The following ERI1 variants were observed in gnomAD, a reference collection of about 807,000 sequenced individuals.
ERI1 encodes the protein 3'-5' exoribonuclease 1.
A neutral mutation model predicts 39.7 loss-of-function variants in ERI1; 39 were observed. That is an observed-to-expected ratio of 0.98 (90% CI 0.76 to 1.28). The LOEUF (loss-of-function observed/expected upper bound fraction) is 1.28. Ranked by LOEUF, ERI1 falls within the 50% of genes most tolerant of loss-of-function variation. ERI1 has a pLI of 0.00. For synonymous variants in ERI1, 204 were observed against 149.6 expected (o/e 1.36, Z -2.65); for missense variants, 581 against 416.9 (o/e 1.39, Z -3.43).
intron 3 of ERI1, among the ~76,000 whole-genome samples, chr8:9,067,413 TG>T (rs1798914583): frequency 1.3e-5 from 2 of 149,930 alleles, no homozygotes; most frequent in African/African-American, 5.0e-5. Context: ...TGTGTGTGTG[TG>T]TGTGTGCAAT....
At chr8:9,016,802 C>G (rs922720619) in intron 4 of ERI1, among the ~76,000 whole-genome samples, 1 of 152,158 alleles carries the variant, frequency 6.6e-6, no homozygotes, top group Admixed American at 6.5e-5. Context: ...TCTCCTGCCT[C>G]AACCTCCTGA....
downstream of ERI1, among the ~76,000 whole-genome samples, chr8:9,037,044 T>C (rs1797870720): frequency 6.6e-6 from 1 of 152,188 alleles, no homozygotes; most frequent in Non-Finnish European, 1.5e-5. Context: ...AGACTATTGC[T>C]AAAATTTAAC....
intron 3 of ERI1, among the ~76,000 whole-genome samples, chr8:9,065,852 G>T (rs762570686): frequency 2.0e-5 from 3 of 152,100 alleles, no homozygotes; most frequent in Non-Finnish European, 4.4e-5. Flanking sequence ...CTCTCCTGTT[G>T]CAAACTCATG....
chr8:9,009,171 T>A (rs1444322620), intron 2 of ERI1: 1 of 441,096 alleles, frequency 2.3e-6, no homozygotes, highest in African/African-American at 2.0e-5. Flanking sequence ...CAAGCCTGTA[T>A]TGAATTCTAA....
chr8:9,004,719 T>A (rs1269863647), intron 1 of ERI1, among the ~76,000 whole-genome samples: 1 of 149,516 alleles, frequency 6.7e-6, no homozygotes, highest in Non-Finnish European at 1.5e-5. Flanking sequence ...GGAGTTTCGT[T>A]CTTGTTGCCC....
intron 3 of ERI1, among the ~76,000 whole-genome samples, chr8:9,094,115 A>G (rs1043744236): frequency 6.6e-6 from 1 of 152,266 alleles, no homozygotes; most frequent in Admixed American, 6.5e-5. Context: ...CAGCAATTTA[A>G]AAGCTTTGCT....
intron 3 of ERI1, among the ~76,000 whole-genome samples, chr8:9,042,595 G>C (rs1358305913): frequency 6.6e-6 from 1 of 152,114 alleles, no homozygotes; most frequent in African/African-American, 2.4e-5. Flanking sequence ...CTGGGGCTTT[G>C]TGGCCCTGGA....
In ERI1 at chr8:9,030,235, A is replaced by G. The variant is rs776344254; in HGVS notation, c.*201A>G. ...GAATTCTTTGTCACCAGCACTTTTG[A>G]TATGAACAGTATTCGTTACATAGTA... is the stretch of plus-strand genomic sequence containing the variant. On this transcript the variant is annotated 3_prime_UTR_variant, in exon 7 of 7. Transcript: ENST00000250263. 2 of 634,210 alleles carry G rather than the reference A, an allele frequency of 3.2e-6. No individual in the cohort carries two copies. The highest frequency in any genetic ancestry group is 5.3e-6 in the Non-Finnish European group (2 of 374,324). The allele number at this position is 634,210 out of a possible 1,614,324, so 39.3% of individuals were successfully genotyped here. A position where few individuals can be genotyped will look rare whatever the true frequency, so the allele number is the denominator to read the frequency against.
At chr8:9,067,382 A>ATGTG (rs10551937) in intron 3 of ERI1, among the ~76,000 whole-genome samples, 9,018 of 143,918 alleles carry the variant, frequency 0.063, 334 homozygotes, top group Non-Finnish European at 0.085. Context: ...ACCTGTGTGC[A>ATGTG]TGTGTGTGTG....
chr8:9,072,305 T>A (rs558085126), intron 3 of ERI1: 1 of 152,318 alleles, frequency 6.6e-6, no homozygotes, highest in East Asian at 1.9e-4. Flanking sequence ...TTGTTATTAT[T>A]TTGAAAAGCT....
At chr8:9,067,848 T>C (rs10095271) in intron 3 of ERI1, among the ~76,000 whole-genome samples, 6,248 of 151,462 alleles carry the variant, frequency 0.041, 403 homozygotes, top group African/African-American at 0.14. Flanking sequence ...CAGCAGGTTT[T>C]TTTACCTCCT....
chr8:9,045,365 C>G (rs536544413), intron 3 of ERI1, among the ~76,000 whole-genome samples: 6 of 152,052 alleles, frequency 3.9e-5, no homozygotes, highest in Non-Finnish European at 7.4e-5. Flanking sequence ...CTTACGTATA[C>G]TTGCACTGAA....
At chr8:9,041,774 G>A (rs1034862492) in intron 3 of ERI1, among the ~76,000 whole-genome samples, 19 of 152,150 alleles carry the variant, frequency 1.2e-4, no homozygotes, top group African/African-American at 3.6e-4. Context: ...CGCTGTTGTC[G>A]CCTAGGCTGA....
chr8:9,018,888 C>T (rs1049670827), intron 5 of ERI1, among the ~76,000 whole-genome samples: 1 of 152,284 alleles, frequency 6.6e-6, no homozygotes, highest in South Asian at 2.1e-4. Flanking sequence ...TTTCAAAGCC[C>T]ATCTTGTGTT....
chr8:9,084,980 A>C (rs996913694), intron 3 of ERI1, among the ~76,000 whole-genome samples: 15 of 152,078 alleles, frequency 9.9e-5, no homozygotes, highest in African/African-American at 2.7e-4. Context: ...TCCCCCCTGC[A>C]TCCCCCTCCA....
At chr8:9,075,813 AT>A (rs1254329787) in intron 3 of ERI1, among the ~76,000 whole-genome samples, 1 of 152,164 alleles carries the variant, frequency 6.6e-6, no homozygotes, top group Non-Finnish European at 1.5e-5. Flanking sequence ...TTTATTTATT[AT>A]TTTTTATAGA....
At chr8:9,099,109 A>G (rs1365062384) in intron 3 of ERI1, among the ~76,000 whole-genome samples, 1 of 150,956 alleles carries the variant, frequency 6.6e-6, no homozygotes, top group Admixed American at 6.6e-5. Context: ...TGCTGGGATT[A>G]CAGGCATGAG....
chr8:9,093,434 C>T (rs1799772148), intron 3 of ERI1, among the ~76,000 whole-genome samples: 1 of 149,964 alleles, frequency 6.7e-6, no homozygotes, highest in Non-Finnish European at 1.5e-5. Flanking sequence ...GCAATTCAAC[C>T]CATTACAAAT....
At chr8:9,022,868 C>T (rs1818064269) in intron 6 of ERI1, among the ~76,000 whole-genome samples, 2 of 152,116 alleles carry the variant, frequency 1.3e-5, no homozygotes, top group African/African-American at 2.4e-5. Flanking sequence ...CACCCACTTT[C>T]CTCTTCCTTA....
Sources: allele counts gnomAD v4.1 joint callset (sites outside exome capture counted in the v4.1 genomes callset), GRCh38; gene constraint gnomAD v4.1.1; transcripts MANE v1.5; gene names NCBI Gene and HGNC (gene_info 2026-07-23, HGNC 2026-07-21).